The following TMEFF2 variants were observed in gnomAD, a reference collection of about 807,000 sequenced individuals.
TMEFF2 encodes the protein transmembrane protein with EGF like and two follistatin like domains 2.
A neutral mutation model predicts 53.8 loss-of-function variants in TMEFF2; 28 were observed. The observed-to-expected ratio is 0.52, with a 90% CI of 0.39 to 0.71. The LOEUF (loss-of-function observed/expected upper bound fraction) is 0.71, where lower values mean the gene tolerates loss of function less well. TMEFF2 is among the 30% of genes least tolerant of loss of function. TMEFF2 has a pLI of 0.00. For missense variants in TMEFF2, 353 were observed against 455.2 expected (o/e 0.78, Z 2.04); for synonymous variants, 162 against 166.3 (o/e 0.97, Z 0.20).
intron 5 of TMEFF2, among the ~76,000 whole-genome samples, chr2:192,045,886 A>C (rs1371759494): frequency 2.0e-5 from 3 of 152,172 alleles, no homozygotes; most frequent in Non-Finnish European, 2.9e-5. Context: ...TCCTGCACAC[A>C]ATGCTTCTCC....
chr2:192,123,210 T>C (rs531150864), intron 4 of TMEFF2, among the ~76,000 whole-genome samples: 9 of 152,342 alleles, frequency 5.9e-5, no homozygotes, highest in African/African-American at 1.9e-4. Flanking sequence ...CTCTTCAGTG[T>C]ATTTACTGGG....
At chr2:192,176,434 T>C (rs1047092303) in intron 4 of TMEFF2, among the ~76,000 whole-genome samples, 3 of 151,370 alleles carry the variant, frequency 2.0e-5, no homozygotes, top group African/African-American at 4.8e-5. Context: ...AAGAAGAGGA[T>C]ACAGTCAGCG....
intron 4 of TMEFF2, among the ~76,000 whole-genome samples, chr2:192,109,630 C>T (rs940717320): frequency 1.3e-5 from 2 of 152,030 alleles, no homozygotes; most frequent in Non-Finnish European, 2.9e-5. Flanking sequence ...CCTGATGACG[C>T]ACTACATATG....
intron 7 of TMEFF2, among the ~76,000 whole-genome samples, chr2:191,997,909 AAAC>A (rs1559077766): frequency 6.6e-6 from 1 of 151,902 alleles, no homozygotes; most frequent in African/African-American, 2.4e-5. Context: ...ATGAAAATTT[AAAC>A]AAGAACATTT....
In TMEFF2 at chr2:192,130,935, G is replaced by C. The variant is rs1213955814; in HGVS notation, c.439+48733C>G. Reference sequence around the variant, plus strand: ...CGGACTGGGAAGGCAGCCTTCCCTTGGTGTTTAATCATTGCAGGGACGCCT... The same window carrying C: ...CGGACTGGGAAGGCAGCCTTCCCTTCGTGTTTAATCATTGCAGGGACGCCT... On this transcript the variant is annotated intron_variant, in intron 4 of 9. Transcript: ENST00000272771. 2.0e-5 allele frequency among the ~76,000 whole-genome samples: 3 copies of C among 151,732 alleles called. No homozygotes were observed. The South Asian group carries it at 6.3e-4, about 32-fold the overall frequency.
intron 7 of TMEFF2, among the ~76,000 whole-genome samples, chr2:191,974,795 A>G (rs1004194236): frequency 4.6e-5 from 7 of 152,080 alleles, no homozygotes; most frequent in Non-Finnish European, 7.4e-5. Context: ...TCTGGAGAAG[A>G]ATTGTAGTTT....
chr2:192,137,973 C>T (rs142564535), intron 4 of TMEFF2, among the ~76,000 whole-genome samples: 2 of 151,826 alleles, frequency 1.3e-5, no homozygotes, highest in African/African-American at 4.8e-5. Context: ...CATGCGCCAC[C>T]ACACCCAGCT....
chr2:192,031,445 T>C (rs1207522919), intron 5 of TMEFF2: 12 of 152,302 alleles, frequency 7.9e-5, no homozygotes, highest in African/African-American at 2.9e-4. Flanking sequence ...TTGTCCATAA[T>C]ATGCCTAAAG....
In TMEFF2 at chr2:191,979,857, G is replaced by T. The variant is rs112591787; in HGVS notation, c.745+18405C>A. On this transcript the variant is annotated intron_variant, in intron 7 of 9. Transcript: ENST00000272771. ...CTATATATATCTCTATCTATCTATC[G>T]ATCTATCTATCTATCTATATGTTTT... Among the ~76,000 whole-genome samples the T allele has an allele frequency of 3.6e-3, 549 of 150,720 alleles. 9 individuals carry two copies. The highest frequency in any genetic ancestry group is 0.012 in the African/African-American group (479 of 41,084).
rs1363046560 is a variant in TMEFF2, at chr2:192,160,645, C to A, written c.439+19023G>T. 2.6e-5 allele frequency among the ~76,000 whole-genome samples: 4 copies of A among 152,088 alleles called. No homozygotes were observed. The East Asian group carries it at 7.7e-4, about 29-fold the overall frequency. ...GATCTAAGTCTCTGTGGAGCCTGAG[C>A]TTTTGCAATTTAGGGGACCTTCTTT... On this transcript the variant is annotated intron_variant, in intron 4 of 9. Transcript: ENST00000272771.
chr2:192,143,518 G>C (rs1016295516), intron 4 of TMEFF2, among the ~76,000 whole-genome samples: 2 of 152,040 alleles, frequency 1.3e-5, no homozygotes, highest in Non-Finnish European at 2.9e-5. Context: ...AACTATAATT[G>C]TATTTGTTGT....
chr2:192,192,159 C>T (rs1691477558), intron 1 of TMEFF2, among the ~76,000 whole-genome samples, 170 bp from the exon 2 acceptor site: 2 of 152,130 alleles, frequency 1.3e-5, no homozygotes, highest in Non-Finnish European at 2.9e-5. Context: ...GTTAAGTGAT[C>T]AATATTCGTT....
chr2:192,099,151 CCTTT>C (rs1688979657), intron 4 of TMEFF2, among the ~76,000 whole-genome samples: 1 of 152,018 alleles, frequency 6.6e-6, no homozygotes, highest in African/African-American at 2.4e-5. Flanking sequence ...ATTTTCCTTC[CCTTT>C]TTTTCCTCTT....
At chr2:192,012,396 C>T (rs1456696219) in intron 5 of TMEFF2, among the ~76,000 whole-genome samples, 1 of 152,164 alleles carries the variant, frequency 6.6e-6, no homozygotes, top group African/African-American at 2.4e-5. Context: ...GACATAAGGT[C>T]TACTGAGACT....
intron 3 of TMEFF2, among the ~76,000 whole-genome samples, chr2:192,183,092 C>T (rs1266374759): frequency 1.3e-5 from 2 of 151,980 alleles, no homozygotes. Context: ...CAGCTTGCCT[C>T]CTGACCACCC....
intron 7 of TMEFF2, among the ~76,000 whole-genome samples, chr2:191,963,192 G>T (rs1327112039): frequency 1.3e-5 from 2 of 152,116 alleles, no homozygotes; most frequent in Non-Finnish European, 2.9e-5. Flanking sequence ...CTTTCAAGCT[G>T]CTCTCAGGAG....
chr2:192,110,824 A>G (rs1689256286), intron 4 of TMEFF2, among the ~76,000 whole-genome samples: 1 of 152,132 alleles, frequency 6.6e-6, no homozygotes. Context: ...TGTGTTGTGG[A>G]AGGGGCCTGG....
At chr2:192,185,137 C>T (rs1046498826) in intron 2 of TMEFF2, among the ~76,000 whole-genome samples, 20 of 151,898 alleles carry the variant, frequency 1.3e-4, no homozygotes, top group Admixed American at 9.8e-4. Flanking sequence ...TATAAGTAAA[C>T]TTTACCGACT....
intron 4 of TMEFF2, among the ~76,000 whole-genome samples, chr2:192,069,123 T>A (rs1688228786): frequency 6.6e-6 from 1 of 151,772 alleles, no homozygotes; most frequent in African/African-American, 2.4e-5. Context: ...TGAGAGACCC[T>A]ATTTCATCTC....
Sources: allele counts gnomAD v4.1 joint callset (sites outside exome capture counted in the v4.1 genomes callset), GRCh38; gene constraint gnomAD v4.1.1; transcripts MANE v1.5; gene names NCBI Gene and HGNC (gene_info 2026-07-23, HGNC 2026-07-21).